The following ADAMTS18 variants were observed in gnomAD, a reference collection of about 807,000 sequenced individuals.
ADAMTS18 encodes the protein ADAM metallopeptidase with thrombospondin type 1 motif 18.
ADAMTS18 carries 157 observed loss-of-function variants against 165.9 expected under a neutral mutation model. The observed-to-expected ratio is 0.95, with a 90% CI of 0.83 to 1.08. The LOEUF (loss-of-function observed/expected upper bound fraction) is 1.08. ADAMTS18 is among the 50% of genes least tolerant of loss of function. The pLI is 0.00. For missense variants in ADAMTS18, 2,040 were observed against 1,534.0 expected, an observed-to-expected ratio of 1.33 and a Z score of -5.51; for synonymous variants, 782 against 578.2, an observed-to-expected ratio of 1.35 and a Z score of -5.06.
chr16:77,362,519 C>G (rs2056730795), intron 6 of ADAMTS18, among the ~76,000 whole-genome samples: 1 of 152,200 alleles, frequency 6.6e-6, no homozygotes, highest in Admixed American at 6.5e-5. Flanking sequence ...TCAGTTAGAA[C>G]ACCTTTGTTC....
chr16:77,357,766 T>C (rs538528395), intron 8 of ADAMTS18, among the ~76,000 whole-genome samples: 2 of 152,326 alleles, frequency 1.3e-5, no homozygotes, highest in South Asian at 4.1e-4. Context: ...GCCATATAAA[T>C]ATCTCAGGAA....
intron 3 of ADAMTS18, among the ~76,000 whole-genome samples, chr16:77,400,750 T>C (rs2057320788): frequency 6.6e-6 from 1 of 151,442 alleles, no homozygotes; most frequent in Non-Finnish European, 1.5e-5. Flanking sequence ...ATTACAGGAG[T>C]GAGCCACCAC....
intron 3 of ADAMTS18, among the ~76,000 whole-genome samples, chr16:77,412,878 C>T (rs2057482933): frequency 6.6e-6 from 1 of 152,000 alleles, no homozygotes; most frequent in Non-Finnish European, 1.5e-5. Flanking sequence ...ACAGCCAAAC[C>T]ATATCACAGG....
In ADAMTS18 at chr16:77,370,607, G is replaced by A. The variant is rs139681753; in HGVS notation, c.496-2884C>T. On this transcript the variant is annotated intron_variant, in intron 3 of 22. Transcript: ENST00000282849. Reference sequence around the variant, plus strand: ...TCTACTAAAAATACAAAAATTAGCCGGGCATGATGGTGGGCATCTGTAGTC... The same window carrying A: ...TCTACTAAAAATACAAAAATTAGCCAGGCATGATGGTGGGCATCTGTAGTC... Among the ~76,000 whole-genome samples the A allele has an allele frequency of 3.2e-3, 480 of 151,976 alleles. 3 individuals carry two copies. The highest frequency in any genetic ancestry group is 0.01 in the African/African-American group (421 of 41,468).
intron 11 of ADAMTS18, among the ~76,000 whole-genome samples, chr16:77,339,378 T>C (rs778159596): frequency 6.6e-6 from 1 of 152,110 alleles, no homozygotes; most frequent in African/African-American, 2.4e-5. Flanking sequence ...GTGTGGCAGT[T>C]GTATCAAGAC....
rs1168019303 is a variant in ADAMTS18 at position 77,378,353 on chromosome 16, A to ACC, written c.496-10631_496-10630insGG. ...CAAAAACAAAAACAAAAAAAAACAA[A>ACC]AAAAAAAAAAACCAAGCCCTTTACT... On this transcript the variant is annotated intron_variant, in intron 3 of 22. Transcript: ENST00000282849. Among the ~76,000 whole-genome samples, 5 of 56,538 alleles carry ACC rather than the reference A, an allele frequency of 8.8e-5. No individual in the cohort carries two copies. The South Asian group carries it at 2.1e-3, about 24-fold the overall frequency. 37.1% of individuals were successfully genotyped at this position (56,538 alleles called of 152,430 possible). A position where few individuals can be genotyped will look rare whatever the true frequency, so the allele number is the denominator to read the frequency against.
intron 16 of ADAMTS18, among the ~76,000 whole-genome samples, chr16:77,304,709 A>C (rs1314961066): frequency 2.0e-5 from 3 of 152,250 alleles, no homozygotes; most frequent in Non-Finnish European, 4.4e-5. Context: ...GGCCAAAAGA[A>C]AAAGAGAAAT....
At chr16:77,425,727 T>G (rs536912474) in intron 3 of ADAMTS18, among the ~76,000 whole-genome samples, 1 of 152,162 alleles carries the variant, frequency 6.6e-6, no homozygotes, top group Non-Finnish European at 1.5e-5. Flanking sequence ...GTACAAGATG[T>G]TGATGGAAGT....
chr16:77,350,655 T>C (rs74025917), intron 10 of ADAMTS18, among the ~76,000 whole-genome samples: 10,537 of 152,152 alleles, frequency 0.069, 920 homozygotes, highest in African/African-American at 0.2. Flanking sequence ...TGTGTGAACG[T>C]TCAAAATTGA....
chr16:77,298,273 ACTT>A (rs2055514069), intron 17 of ADAMTS18, among the ~76,000 whole-genome samples: 1 of 151,884 alleles, frequency 6.6e-6, no homozygotes, highest in South Asian at 2.1e-4. Flanking sequence ...TAATTTCAGG[ACTT>A]CTTATCAGGG....
At chr16:77,294,365 C>A (rs527350993) in intron 19 of ADAMTS18, among the ~76,000 whole-genome samples, 16 of 152,160 alleles carry the variant, frequency 1.1e-4, no homozygotes, top group African/African-American at 3.9e-4. Context: ...ATCAAAATGT[C>A]TCCTGGTAGG....
intron 20 of ADAMTS18, among the ~76,000 whole-genome samples, chr16:77,291,933 A>G (rs1307397962): frequency 5.9e-5 from 9 of 152,226 alleles, no homozygotes; most frequent in Non-Finnish European, 8.8e-5. Flanking sequence ...TGTACAGCAA[A>G]TAATTGCTCT....
In ADAMTS18 at chr16:77,356,039, C is replaced by T. The variant is rs2056625397; in HGVS notation, c.1361G>A (p.Arg454Lys). ...AGACATGATATTGCCTTCAGCCTTT[C>T]TGCAGGGATTCCCTTCTCCATCGTG... Reference protein sequence around the residue: ...MIHDGEGNPCRKAEGNIMSPT... With the variant: ...MIHDGEGNPCKKAEGNIMSPT... Residue 454 changes from arginine (R) to lysine (K), a missense_variant, in exon 9 of 23, where the codon AGA (arginine) becomes AAA (lysine). By Grantham distance (26) the Arg-to-Lys change is conservative. Transcript: ENST00000282849. The T allele has an allele frequency of 6.2e-7, 1 of 1,613,936 alleles. No homozygotes were observed. The highest frequency in any genetic ancestry group is 1.3e-5 in the African/African-American group (1 of 74,900).
At chr16:77,413,048 T>C (rs1381743861) in intron 3 of ADAMTS18, among the ~76,000 whole-genome samples, 3 of 151,570 alleles carry the variant, frequency 2.0e-5, no homozygotes, top group Non-Finnish European at 4.4e-5. Flanking sequence ...TTTATATGTA[T>C]AAAAAAAAAC....
At chr16:77,326,819 C>T (rs78616450) in intron 12 of ADAMTS18, among the ~76,000 whole-genome samples, 4,929 of 152,228 alleles carry the variant, frequency 0.032, 85 homozygotes, top group South Asian at 0.052. Flanking sequence ...GTTTCATCAC[C>T]CAGGTAATAA....
chr16:77,389,876 G>T (rs551450291), intron 3 of ADAMTS18, among the ~76,000 whole-genome samples: 1 of 152,264 alleles, frequency 6.6e-6, no homozygotes, highest in South Asian at 2.1e-4. Flanking sequence ...AGTAAAAAGT[G>T]GTAGATTGTT....
chr16:77,355,202 T>TTGTG (rs141620918), intron 9 of ADAMTS18, among the ~76,000 whole-genome samples: 5,746 of 146,644 alleles, frequency 0.039, 138 homozygotes, highest in East Asian at 0.061. Context: ...AAAGGTAGGA[T>TTGTG]TGTGTGTGTG....
chr16:77,427,406 A>ATTGGTGGT (rs1161138353), intron 3 of ADAMTS18, among the ~76,000 whole-genome samples: 1 of 152,240 alleles, frequency 6.6e-6, no homozygotes, highest in East Asian at 1.9e-4. Context: ...AGCAAGATGA[A>ATTGGTGGT]GAGTCTCCAC....
Position 77,319,800 on chromosome 16 carries a change from A to G in ADAMTS18, c.2532+49T>C, listed in dbSNP as rs1198402189. ...TCTGGCTCAAATTGCAGTCAACGAT[A>G]TAAATGTAGCAAGAAGCACTGAGAA... On this transcript the variant is annotated intron_variant, in intron 16 of 22. Coordinates refer to ENST00000282849, the MANE Select transcript of ADAMTS18 (RefSeq NM_199355.4). The G allele has an allele frequency of 1.9e-6, 3 of 1,613,098 alleles. No homozygotes were observed. The African/African-American group carries it at 4.0e-5, about 22-fold the overall frequency.
Sources: allele counts gnomAD v4.1 joint callset (sites outside exome capture counted in the v4.1 genomes callset), GRCh38; gene constraint gnomAD v4.1.1; transcripts MANE v1.5; gene names NCBI Gene and HGNC (gene_info 2026-07-23, HGNC 2026-07-21).